The following B3GALT1 variants were observed in gnomAD, a reference collection of about 807,000 sequenced individuals.
The protein encoded by B3GALT1 is UDP-Gal:betaGlcNAc beta 1,3-galactosyltransferase, polypeptide 1.
Under a neutral mutation model 23.2 loss-of-function variants are expected in B3GALT1, and 10 were observed. That is an observed-to-expected ratio of 0.43 (90% confidence interval 0.27 to 0.73). The LOEUF (loss-of-function observed/expected upper bound fraction) is 0.73. Ranked by LOEUF, B3GALT1 falls within the 30% of genes least tolerant of loss-of-function variation. B3GALT1 has a pLI of 0.21. For synonymous variants in B3GALT1, 156 were observed against 141.5 expected (o/e 1.10, Z -0.73); for missense variants, 299 against 405.4 (o/e 0.74, Z 2.25).
intron 1 of B3GALT1, among the ~76,000 whole-genome samples, chr2:167,323,934 T>C (rs1204657704): frequency 1.3e-5 from 2 of 152,082 alleles, no homozygotes; most frequent in Non-Finnish European, 2.9e-5. Flanking sequence ...AGTCCAGATT[T>C]TGACATTGGC....
At chr2:167,500,316 A>G (rs1699834075) in intron 2 of B3GALT1, among the ~76,000 whole-genome samples, 1 of 152,192 alleles carries the variant, frequency 6.6e-6, no homozygotes, top group African/African-American at 2.4e-5. Flanking sequence ...AATGCTAGTC[A>G]AATAATGACC....
chr2:167,529,495 A>G (rs1683285740), intron 2 of B3GALT1, among the ~76,000 whole-genome samples: 2 of 148,892 alleles, frequency 1.3e-5, no homozygotes, highest in Admixed American at 6.7e-5. Flanking sequence ...GGTCTGAGCT[A>G]CTGAAAGGCG....
chr2:167,849,336 TAAGGCC>T (rs1689823634), intron 4 of B3GALT1, among the ~76,000 whole-genome samples: 1 of 152,098 alleles, frequency 6.6e-6, no homozygotes. Flanking sequence ...AACTATACTA[TAAGGCC>T]ATAGTCACCA....
chr2:167,596,338 A>G (rs1684773592), intron 2 of B3GALT1, among the ~76,000 whole-genome samples: 1 of 152,178 alleles, frequency 6.6e-6, no homozygotes, highest in Admixed American at 6.5e-5. Context: ...TTACATTTTT[A>G]CATCCTTGCT....
At chr2:167,676,225 C>T (rs1373597967) in intron 3 of B3GALT1, among the ~76,000 whole-genome samples, 1 of 152,000 alleles carries the variant, frequency 6.6e-6, no homozygotes, top group African/African-American at 2.4e-5. Flanking sequence ...GTAATTCTTA[C>T]CAAGTGCAAC....
chr2:167,507,249 G>A (rs1039043301), intron 2 of B3GALT1, among the ~76,000 whole-genome samples: 2 of 152,066 alleles, frequency 1.3e-5, no homozygotes, highest in African/African-American at 4.8e-5. Flanking sequence ...GCTCACGCCT[G>A]TAATCCCAGC....
intron 4 of B3GALT1, among the ~76,000 whole-genome samples, chr2:167,825,447 TGTGTGTGTGCGTGCAC>T (rs1381408949): frequency 6.1e-5 from 9 of 147,016 alleles, no homozygotes; most frequent in South Asian, 4.3e-4. Context: ...GGTGTGTGTG[TGTGTGTGTGCGTGCAC>T]GTGTGTGTGT....
chr2:167,469,006 C>T (rs1230723729), intron 1 of B3GALT1, among the ~76,000 whole-genome samples: 2 of 152,132 alleles, frequency 1.3e-5, no homozygotes, highest in African/African-American at 2.4e-5. Context: ...TAAAAGGACA[C>T]AAATATCAAG....
intron 3 of B3GALT1, among the ~76,000 whole-genome samples, chr2:167,668,205 C>T (rs1003207409): frequency 1.3e-5 from 2 of 151,750 alleles, no homozygotes; most frequent in Non-Finnish European, 2.9e-5. Flanking sequence ...TTGGAATACC[C>T]GACCGCGTGA....
chr2:167,468,855 A>AATGAGAC (rs1455372311), intron 1 of B3GALT1, among the ~76,000 whole-genome samples: 17 of 152,310 alleles, frequency 1.1e-4, no homozygotes, highest in Non-Finnish European at 5.9e-5. Flanking sequence ...TGCACAACAG[A>AATGAGAC]ATGAGACTCC....
intron 1 of B3GALT1, among the ~76,000 whole-genome samples, chr2:167,406,895 G>A (rs1249079169): frequency 6.6e-6 from 1 of 152,178 alleles, no homozygotes; most frequent in Non-Finnish European, 1.5e-5. Context: ...CAGTACTTCA[G>A]TAATTTACTA....
At position 167,850,751 on chromosome 2, in the gene B3GALT1, G is replaced by A. The variant is rs139044510; in HGVS notation, c.-229-18060G>A. ...AAACGTCGTGTGTGCTCACTGATAC[G>A]TGGGAGCTAAGCTATAAGGATGTAA... On this transcript the variant is annotated intron_variant, in intron 4 of 4. Coordinates refer to ENST00000392690, the MANE Select transcript of B3GALT1 (RefSeq NM_020981.4). Among the ~76,000 whole-genome samples, 21 of 152,144 alleles carry A rather than the reference G, an allele frequency of 1.4e-4. No individual in the cohort carries two copies. The East Asian group carries it at 3.3e-3, about 24-fold the overall frequency.
chr2:167,818,772 C>A lies in B3GALT1; in HGVS notation c.-251C>A, dbSNP rs997374662. ...GAACTTGTAGTAAGAAGAAGGAAAACACAGCACGCTGGAGCCAACAGGTAG... is the reference window on the plus strand; with the variant it reads ...GAACTTGTAGTAAGAAGAAGGAAAAAACAGCACGCTGGAGCCAACAGGTAG... On this transcript the variant is annotated 5_prime_UTR_variant, in exon 4 of 5. Coordinates refer to ENST00000392690, the MANE Select transcript of B3GALT1 (RefSeq NM_020981.4). 2.0e-5 allele frequency among the ~76,000 whole-genome samples: 3 copies of A among 152,120 alleles called. No individual in the cohort carries two copies. Among genetic ancestry groups the A allele is most frequent in the Admixed American group, 2.0e-4 (3 of 15,280 alleles).
At chr2:167,455,106 T>G (rs1019362716) in intron 1 of B3GALT1, among the ~76,000 whole-genome samples, 1 of 152,218 alleles carries the variant, frequency 6.6e-6, no homozygotes, top group South Asian at 2.1e-4. Flanking sequence ...TAGAAACTTA[T>G]CCACATATGG....
chr2:167,301,131 G>C (rs1187978564), intron 1 of B3GALT1, among the ~76,000 whole-genome samples: 1 of 152,120 alleles, frequency 6.6e-6, no homozygotes, highest in Non-Finnish European at 1.5e-5. Context: ...GGTTGATCAA[G>C]GCAATGAAAA....
At chr2:167,471,109 G>C (rs1699413491) in intron 1 of B3GALT1, among the ~76,000 whole-genome samples, 2 of 152,136 alleles carry the variant, frequency 1.3e-5, no homozygotes, top group Non-Finnish European at 2.9e-5. Flanking sequence ...TAGATAAGCA[G>C]AATGCTGGAT....
intron 3 of B3GALT1, among the ~76,000 whole-genome samples, chr2:167,775,030 A>C (rs1384468244): frequency 6.6e-6 from 1 of 152,198 alleles, no homozygotes; most frequent in African/African-American, 2.4e-5. Flanking sequence ...GTAGCAGTAC[A>C]TTTAACCCCT....
intron 3 of B3GALT1, among the ~76,000 whole-genome samples, chr2:167,689,495 A>T (rs1012344805): frequency 1.3e-5 from 2 of 152,342 alleles, no homozygotes; most frequent in Non-Finnish European, 2.9e-5. Context: ...GCAAGCAAAG[A>T]TACCACTAAA....
chr2:167,504,554 C>G (rs2105350047), intron 2 of B3GALT1, among the ~76,000 whole-genome samples: 1 of 152,208 alleles, frequency 6.6e-6, no homozygotes, highest in Non-Finnish European at 1.5e-5. Flanking sequence ...AAGAAAATTA[C>G]TTATCAGAAA....
Sources: allele counts gnomAD v4.1 joint callset (sites outside exome capture counted in the v4.1 genomes callset), GRCh38; gene constraint gnomAD v4.1.1; transcripts MANE v1.5; gene names NCBI Gene and HGNC (gene_info 2026-07-23, HGNC 2026-07-21).